The following GAB2 variants were observed in gnomAD, a reference collection of about 807,000 sequenced individuals.
GAB2 encodes GRB2-associated-binding protein 2.
In GAB2, 26 loss-of-function variants were observed where a neutral mutation model predicts 65.5. The ratio of observed to expected loss-of-function variants is 0.40; its 90% CI spans 0.29 to 0.55. GAB2 has a LOEUF of 0.55. Among genes scored for constraint, GAB2 ranks in the 20% least tolerant of loss-of-function variants. The probability of loss-of-function intolerance (pLI) is 0.53; values close to 1 mark genes in which losing one functional copy is unlikely to be tolerated. For missense variants in GAB2, 884 were observed against 875.8 expected (o/e 1.01, Z -0.12); for synonymous variants, 321 against 329.6 (o/e 0.97, Z 0.28).
chr11:78,348,440 T>A (rs138987380), intron 1 of GAB2, among the ~76,000 whole-genome samples: 1 of 152,212 alleles, frequency 6.6e-6, no homozygotes, highest in African/African-American at 2.4e-5. Context: ...TTTGAACAGA[T>A]ACTAGACAAA....
At chr11:78,343,249 G>T (rs1856127757) in intron 1 of GAB2, among the ~76,000 whole-genome samples, 1 of 152,124 alleles carries the variant, frequency 6.6e-6, no homozygotes. Context: ...CTGCACTGTT[G>T]TTAAAAATAG....
chr11:78,250,110 C>A, intron 3 of GAB2, 47 bp downstream of exon 3: 2 of 1,599,734 alleles, frequency 1.3e-6, no homozygotes, highest in Non-Finnish European at 1.7e-6. Flanking sequence ...AGTACTAGGC[C>A]CTGTGAGCGG....
At chr11:78,387,670 A>G (rs1856785365) in intron 1 of GAB2, among the ~76,000 whole-genome samples, 1 of 152,234 alleles carries the variant, frequency 6.6e-6, no homozygotes, top group African/African-American at 2.4e-5. Context: ...GAAGGGAATC[A>G]CAATGGACTA....
intron 1 of GAB2, among the ~76,000 whole-genome samples, chr11:78,301,493 C>G (rs894072018): frequency 3.9e-5 from 6 of 152,026 alleles, no homozygotes; most frequent in Non-Finnish European, 8.8e-5. Flanking sequence ...TCAAGCCTGG[C>G]TAATGTTTGT....
intron 1 of GAB2, among the ~76,000 whole-genome samples, chr11:78,333,545 G>A (rs1379582426): frequency 6.6e-6 from 1 of 152,200 alleles, no homozygotes; most frequent in Non-Finnish European, 1.5e-5. Flanking sequence ...TGGGATTACA[G>A]GTGTTAGCCA....
intron 1 of GAB2, among the ~76,000 whole-genome samples, chr11:78,325,573 G>A (rs1226295408): frequency 6.6e-6 from 1 of 152,158 alleles, no homozygotes; most frequent in Non-Finnish European, 1.5e-5. Context: ...ATACAGAGAG[G>A]TGGACTAGAA....
rs34474918 is a variant in GAB2, at chr11:78,401,505, CGTGTGTGTGTGTGT to C, written c.75+16127_75+16140del. On this transcript the variant is annotated intron_variant, in intron 1 of 9. Transcript: ENST00000361507. Reference sequence around the variant, plus strand: ...TTCCCTTTTAAGGCTGAACAGTATTCGTGTGTGTGTGTGTGTGTGTGTGTGTGTGTGTGTGTGTG... The same window carrying C: ...TTCCCTTTTAAGGCTGAACAGTATTCGTGTGTGTGTGTGTGTGTGTGTGTG... Among the ~76,000 whole-genome samples, 571 of 125,010 alleles carry C rather than the reference CGTGTGTGTGTGTGT, an allele frequency of 4.6e-3. 3 individuals carry two copies. The highest frequency in any genetic ancestry group is 6.7e-3 in the Non-Finnish European group (400 of 59,328). The allele number at this position is 125,010 out of a possible 152,430, so 82.0% of individuals were successfully genotyped here.
chr11:78,317,194 G>A (rs1855625453), intron 1 of GAB2, among the ~76,000 whole-genome samples: 1 of 152,198 alleles, frequency 6.6e-6, no homozygotes, highest in Admixed American at 6.5e-5. Context: ...GCTGAAAGGA[G>A]TTTTGGAGAT....
chr11:78,341,274 T>C (rs930530081), intron 1 of GAB2, among the ~76,000 whole-genome samples: 3 of 152,392 alleles, frequency 2.0e-5, no homozygotes, highest in South Asian at 2.1e-4. Flanking sequence ...TACACTTTTA[T>C]TGAGCAATTG....
intron 1 of GAB2, among the ~76,000 whole-genome samples, chr11:78,288,675 A>C (rs1362421668): frequency 6.6e-6 from 1 of 152,242 alleles, no homozygotes; most frequent in Non-Finnish European, 1.5e-5. Context: ...TAATGAAAGA[A>C]ATCAAAGGAG....
chr11:78,375,721 T>A (rs1048770663), intron 1 of GAB2, among the ~76,000 whole-genome samples: 1 of 152,178 alleles, frequency 6.6e-6, no homozygotes, highest in African/African-American at 2.4e-5. Flanking sequence ...GCTTACATAG[T>A]CAGTGATATA....
At chr11:78,404,452 T>C (rs1857014586) in intron 1 of GAB2, among the ~76,000 whole-genome samples, 1 of 152,158 alleles carries the variant, frequency 6.6e-6, no homozygotes, top group South Asian at 2.1e-4. Context: ...GAGGATGAGG[T>C]GGCAGGATCG....
chr11:78,250,148 G>A lies in GAB2; in HGVS notation c.620+9C>T. 1 of 1,612,024 alleles carries A rather than the reference G, an allele frequency of 6.2e-7. No homozygotes were observed. The highest frequency in any genetic ancestry group is 8.5e-7 in the Non-Finnish European group (1 of 1,179,760). On this transcript the variant is annotated intron_variant, in intron 3 of 9. Coordinates refer to ENST00000361507, the MANE Select transcript of GAB2 (RefSeq NM_080491.3). ...ACTAACCCACCTAATGGCTGTGGCAGCCTCCTACCTTGCATTTTCTGCTCT... is the reference window on the plus strand; with the variant it reads ...ACTAACCCACCTAATGGCTGTGGCAACCTCCTACCTTGCATTTTCTGCTCT...
chr11:78,313,932 C>A (rs1355006244), intron 1 of GAB2, among the ~76,000 whole-genome samples: 1 of 152,136 alleles, frequency 6.6e-6, no homozygotes, highest in African/African-American at 2.4e-5. Flanking sequence ...GTGAAGAGAG[C>A]ACATGAAAGA....
chr11:78,292,029 T>TGTGTGTGTGAGA (rs10577079), intron 1 of GAB2, among the ~76,000 whole-genome samples: 2 of 106,004 alleles, frequency 1.9e-5, no homozygotes, highest in African/African-American at 2.8e-5. Flanking sequence ...TGTGTGTGTG[T>TGTGTGTGTGAGA]GAGAGAGAGA....
chr11:78,356,848 A>G (rs1591062780), intron 1 of GAB2, among the ~76,000 whole-genome samples: 2 of 152,230 alleles, frequency 1.3e-5, no homozygotes, highest in East Asian at 3.8e-4. Context: ...GAAATGTTAC[A>G]ATATGGATGA....
At chr11:78,277,634 G>A (rs1363462908) in intron 2 of GAB2, among the ~76,000 whole-genome samples, 1 of 152,220 alleles carries the variant, frequency 6.6e-6, no homozygotes, top group African/African-American at 2.4e-5. Context: ...CCTCAAGTGG[G>A]CATGTGTACA....
At chr11:78,293,387 C>T (rs888861735) in intron 1 of GAB2, among the ~76,000 whole-genome samples, 1 of 152,140 alleles carries the variant, frequency 6.6e-6, no homozygotes, top group African/African-American at 2.4e-5. Flanking sequence ...CACTATATAA[C>T]TGTTCAATGA....
At chr11:78,351,658 A>G (rs573823624) in intron 1 of GAB2, among the ~76,000 whole-genome samples, 2 of 152,252 alleles carry the variant, frequency 1.3e-5, no homozygotes, top group Non-Finnish European at 2.9e-5. Context: ...TTTAGACACT[A>G]TCTCCCTACT....
Sources: gnomAD v4.1 joint callset for allele counts (sites outside exome capture counted in the v4.1 genomes callset) on GRCh38, gnomAD v4.1.1 for gene constraint, MANE v1.5 for transcripts, NCBI Gene and HGNC (gene_info 2026-07-23, HGNC 2026-07-21) for gene names.